The following BMPER variants were observed in gnomAD, a reference collection of about 807,000 sequenced individuals.
The protein encoded by BMPER is BMP binding endothelial regulator.
A neutral mutation model predicts 87.3 loss-of-function variants in BMPER; 45 were observed. The ratio of observed to expected loss-of-function variants is 0.52; its 90% confidence interval spans 0.41 to 0.66. The LOEUF is 0.66. Ranked by LOEUF, BMPER falls within the 30% of genes least tolerant of loss-of-function variation. The pLI, the probability that BMPER is intolerant of heterozygous loss-of-function variation, is 0.00. For synonymous variants in BMPER, 326 were observed against 316.2 expected (o/e 1.03, Z -0.33); for missense variants, 784 against 867.5 (o/e 0.90, Z 1.21).
At chr7:34,024,392 TATATATATATATATATATATATATATA>T (rs1787298250) in intron 6 of BMPER, among the ~76,000 whole-genome samples, 1 of 8,172 alleles carries the variant, frequency 1.2e-4, no homozygotes, top group Admixed American at 1.4e-3. Context: ...ACAATATATA[TATATATATATATATATATATATATATA>T]TATATATATA....
Position 33,966,520 on chromosome 7 carries a change from T to C in BMPER, c.361T>C (p.Trp121Arg), listed in dbSNP as rs139057966. Residue 121 changes from tryptophan to arginine, a missense_variant, in exon 4 of 15, where the codon TGG (tryptophan) becomes CGG (arginine). By Grantham distance (101) the Trp-to-Arg change is moderately radical. Coordinates refer to ENST00000649409, the MANE Select transcript of BMPER (RefSeq NM_001365308.1). ...EGNTYNSSFK[W>R]QSPAEPCVLR... Reference sequence around the variant, plus strand: ...AAATACCTATAACAGCTCCTTCAAATGGCAGAGCCCGGCTGAGCCTTGTGT... The same window carrying C: ...AAATACCTATAACAGCTCCTTCAAACGGCAGAGCCCGGCTGAGCCTTGTGT... 18 of 1,613,770 alleles carry C rather than the reference T, an allele frequency of 1.1e-5. No individual in the cohort carries two copies. The African/African-American group carries it at 2.4e-4, about 22-fold the overall frequency.
chr7:34,003,029 A>T (rs1786626504), intron 6 of BMPER, among the ~76,000 whole-genome samples: 1 of 151,560 alleles, frequency 6.6e-6, no homozygotes, highest in Admixed American at 6.6e-5. Context: ...TTTTGATAAG[A>T]TAGGATTTTT....
At chr7:33,963,322 T>C (rs1785317589) in intron 3 of BMPER, among the ~76,000 whole-genome samples, 2 of 152,224 alleles carry the variant, frequency 1.3e-5, no homozygotes, top group African/African-American at 4.8e-5. Flanking sequence ...CTACAATAAG[T>C]TGAGTACAAA....
intron 11 of BMPER, among the ~76,000 whole-genome samples, chr7:34,065,923 C>T (rs1400420334): frequency 2.0e-5 from 3 of 152,190 alleles, no homozygotes; most frequent in South Asian, 4.1e-4. Context: ...TACATGCATA[C>T]GTCAATTAAA....
At chr7:34,127,846 T>C (rs1790445675) in intron 13 of BMPER, among the ~76,000 whole-genome samples, 1 of 152,194 alleles carries the variant, frequency 6.6e-6, no homozygotes, top group Non-Finnish European at 1.5e-5. Flanking sequence ...TGGAAAACCT[T>C]AGTTGGATCT....
At chr7:33,937,513 G>GGTGTGTGTGT (rs376953621) in intron 3 of BMPER, 125 bp downstream of exon 3, 50,880 of 727,016 alleles carry the variant, frequency 0.07, 597 homozygotes, top group Non-Finnish European at 0.087. Flanking sequence ...GGAGAAGTAG[G>GGTGTGTGTGT]GTGTGTGTGT....
In BMPER at chr7:34,021,013, TACTC is replaced by T. The variant is rs200928398; in HGVS notation, c.577-25290_577-25287del. 4.3e-3 allele frequency among the ~76,000 whole-genome samples: 648 copies of T among 152,120 alleles called. 7 individuals carry two copies. Among genetic ancestry groups the T allele is most frequent in the African/African-American group, 0.014 (588 of 41,536 alleles). ...TCCAGTTTGTTAACTGCTTTATAAA[TACTC>T]ACAACTGATGTAGGAGGAGATGCTT... On this transcript the variant is annotated intron_variant, in intron 6 of 14. Transcript: ENST00000649409.
intron 2 of BMPER, among the ~76,000 whole-genome samples, chr7:33,914,043 G>T (rs1003398268): frequency 6.0e-5 from 9 of 149,958 alleles, no homozygotes; most frequent in Non-Finnish European, 1.2e-4. Flanking sequence ...CTCACTGCAA[G>T]CTCCGCCTCC....
chr7:34,052,082 T>A, intron 8 of BMPER, 112 bp downstream of exon 8: 3 of 970,786 alleles, frequency 3.1e-6, no homozygotes, highest in Non-Finnish European at 3.3e-6. Context: ...GAGGAAGCAT[T>A]AACAATGCCA....
chr7:34,088,860 C>T (rs1027248028), intron 13 of BMPER, among the ~76,000 whole-genome samples: 5 of 152,126 alleles, frequency 3.3e-5, no homozygotes, highest in Non-Finnish European at 7.3e-5. Context: ...CATAAACTCC[C>T]CCTGATGCAT....
chr7:34,055,142 A>G (rs745696462), intron 8 of BMPER, 21 bp from the exon 9 acceptor site: 33 of 1,613,916 alleles, frequency 2.0e-5, no homozygotes, highest in South Asian at 9.9e-5. Flanking sequence ...TTTAATTTCT[A>G]TTTTGCCTTT....
At chr7:34,010,989 A>T (rs1786859828) in intron 6 of BMPER, among the ~76,000 whole-genome samples, 1 of 151,930 alleles carries the variant, frequency 6.6e-6, no homozygotes, top group Non-Finnish European at 1.5e-5. Context: ...TGAATTTAAG[A>T]GGAATTTCCT....
At chr7:33,941,670 T>C (rs1429380042) in intron 3 of BMPER, among the ~76,000 whole-genome samples, 2 of 152,166 alleles carry the variant, frequency 1.3e-5, no homozygotes, top group Non-Finnish European at 1.5e-5. Flanking sequence ...GAGAATCTAA[T>C]GCTGCAGCTG....
At chr7:34,010,453 A>G (rs1463203811) in intron 6 of BMPER, among the ~76,000 whole-genome samples, 1 of 151,960 alleles carries the variant, frequency 6.6e-6, no homozygotes, top group African/African-American at 2.4e-5. Context: ...CCATTCTTAT[A>G]TTTTGTAAAA....
intron 3 of BMPER, among the ~76,000 whole-genome samples, chr7:33,961,980 A>G (rs553270055): frequency 1.3e-5 from 2 of 152,294 alleles, no homozygotes; most frequent in African/African-American, 4.8e-5. Flanking sequence ...AATGTGAAAA[A>G]TGAGAGGATT....
chr7:34,038,293 G>A lies in BMPER; in HGVS notation c.577-8013G>A, dbSNP rs188933419. ...TGAGCAGAGAGCACAGTCAGAGGGA[G>A]GTCTGAAGGTGCTGCACTGATAGCT... is the stretch of plus-strand genomic sequence containing the variant. On this transcript the variant is annotated intron_variant, in intron 6 of 14. Coordinates refer to ENST00000649409, the MANE Select transcript of BMPER (RefSeq NM_001365308.1). Among the ~76,000 whole-genome samples, 50 of 152,306 alleles carry A rather than the reference G, an allele frequency of 3.3e-4. 1 individual carries two copies. The East Asian group carries it at 9.3e-3, about 28-fold the overall frequency.
At chr7:33,995,855 A>G (rs1361377019) in intron 6 of BMPER, among the ~76,000 whole-genome samples, 2 of 152,128 alleles carry the variant, frequency 1.3e-5, no homozygotes, top group African/African-American at 4.8e-5. Flanking sequence ...CATATATTCT[A>G]CCTGGGATCT....
chr7:34,051,893 A>G lies in BMPER; in HGVS notation c.709A>G (p.Ser237Gly), dbSNP rs1350248279. ...GAAAGTGTTTGACCTCCCTTTTGGG[A>G]GCTGCCTCTTTCGAAGTGATGTTTA... ...QRKVFDLPFG[S>G]CLFRSDVYDN... The change falls in exon 8 of 15, where the codon AGC becomes GGC. Residue 237 changes from serine (S) to glycine (G), a missense_variant. By Grantham distance (56) the Ser-to-Gly change is moderately conservative. Transcript: ENST00000649409. 1.2e-6 allele frequency: 2 copies of G among 1,613,812 alleles called. No homozygotes were observed. Among genetic ancestry groups the G allele is most frequent in the Non-Finnish European group, 1.7e-6 (2 of 1,179,842 alleles).
rs561127493 is a variant in BMPER at position 33,970,669 on chromosome 7, C to T, written c.493+250C>T. Among the ~76,000 whole-genome samples, 5 of 152,272 alleles carry T rather than the reference C, an allele frequency of 3.3e-5. No homozygotes were observed. The South Asian group carries it at 1.0e-3, about 32-fold the overall frequency. On this transcript the variant is annotated intron_variant, in intron 5 of 14. Coordinates refer to ENST00000649409, the MANE Select transcript of BMPER (RefSeq NM_001365308.1). ...GAGGCCTGCTTTCCACTCCACAGGGCCACAGGTAATGCTTATTTTGGAAGA... is the reference window on the plus strand; with the variant it reads ...GAGGCCTGCTTTCCACTCCACAGGGTCACAGGTAATGCTTATTTTGGAAGA...
Sources: gnomAD v4.1 joint callset for allele counts (sites outside exome capture counted in the v4.1 genomes callset) on GRCh38, gnomAD v4.1.1 for gene constraint, MANE v1.5 for transcripts, NCBI Gene and HGNC (gene_info 2026-07-23, HGNC 2026-07-21) for gene names.